The following NAALADL2 variants were observed in gnomAD, a reference collection of about 807,000 sequenced individuals.
NAALADL2 encodes N-acetylated alpha-linked acidic dipeptidase like 2.
Under a neutral mutation model 87.2 loss-of-function variants are expected in NAALADL2, and 76 were observed. The observed-to-expected ratio is 0.87, with a 90% CI of 0.72 to 1.05. The LOEUF (loss-of-function observed/expected upper bound fraction) is 1.05, where lower values mean the gene tolerates loss of function less well. Among genes scored for constraint, NAALADL2 ranks in the 50% least tolerant of loss-of-function variants. NAALADL2 has a pLI of 0.00. For missense variants in NAALADL2, 1,089 were observed against 945.8 expected (o/e 1.15, Z -1.99); for synonymous variants, 354 against 331.0 (o/e 1.07, Z -0.75).
intron 5 of NAALADL2, among the ~76,000 whole-genome samples, chr3:175,405,359 A>G (rs1233679958): frequency 1.3e-5 from 2 of 152,160 alleles, no homozygotes. Flanking sequence ...AGTGCCATGT[A>G]TACTTTAGTA....
At chr3:174,529,624 C>G (rs1437608548) in intron 1 of NAALADL2, among the ~76,000 whole-genome samples, 1 of 152,272 alleles carries the variant, frequency 6.6e-6, no homozygotes, top group East Asian at 1.9e-4. Context: ...CAGGCATTTT[C>G]GAACATCCAG....
intron 9 of NAALADL2, among the ~76,000 whole-genome samples, chr3:175,558,245 A>T (rs73169462): frequency 1.3e-5 from 2 of 150,468 alleles, no homozygotes. Flanking sequence ...ATGTCTAATC[A>T]GGTCTTTTGC....
chr3:175,249,824 G>A (rs1169705430), intron 3 of NAALADL2, among the ~76,000 whole-genome samples: 1 of 152,040 alleles, frequency 6.6e-6, no homozygotes, highest in Non-Finnish European at 1.5e-5. Flanking sequence ...TCCCCTACAA[G>A]AAGGCATTTA....
intron 4 of NAALADL2, among the ~76,000 whole-genome samples, chr3:175,314,561 A>ATATAT (rs1187807703): frequency 6.3e-5 from 4 of 63,190 alleles, no homozygotes; most frequent in Non-Finnish European, 1.2e-4. Context: ...TTCACATTCT[A>ATATAT]ACTATATATA....
chr3:174,523,361 T>C (rs533047758), intron 1 of NAALADL2: 2 of 152,358 alleles, frequency 1.3e-5, no homozygotes, highest in East Asian at 1.9e-4. Context: ...ATTCTGGTTA[T>C]ACTTAATGAA....
intron 3 of NAALADL2, among the ~76,000 whole-genome samples, chr3:174,790,582 AG>A (rs1258312598): frequency 8.5e-5 from 13 of 152,076 alleles, no homozygotes; most frequent in African/African-American, 2.9e-4. Flanking sequence ...CAGGAGGCAG[AG>A]GTTGCAATGT....
At chr3:175,301,291 G>A (rs574582101) in intron 4 of NAALADL2, among the ~76,000 whole-genome samples, 7 of 152,086 alleles carry the variant, frequency 4.6e-5, no homozygotes, top group East Asian at 1.9e-4. Context: ...CAAACCCCCC[G>A]ACAGGGATAG....
At chr3:174,889,518 C>A (rs1050195083) in intron 1 of NAALADL2, among the ~76,000 whole-genome samples, 1 of 152,026 alleles carries the variant, frequency 6.6e-6, no homozygotes, top group African/African-American at 2.4e-5. Flanking sequence ...CCTGTGTGTG[C>A]CCTTATATCT....
intron 2 of NAALADL2, among the ~76,000 whole-genome samples, chr3:174,683,345 A>G (rs1240056316): frequency 2.0e-5 from 3 of 152,192 alleles, no homozygotes; most frequent in African/African-American, 2.4e-5. Flanking sequence ...AGGAAGCCCA[A>G]TGTCCATTTA....
Position 174,950,240 on chromosome 3 carries a change from C to G in NAALADL2, c.43+90790C>G, listed in dbSNP as rs535232485. 7.4e-4 allele frequency among the ~76,000 whole-genome samples: 113 copies of G among 152,042 alleles called. 3 individuals are homozygous for G. The South Asian group carries it at 0.023, about 30-fold the overall frequency. On this transcript the variant is annotated intron_variant, in intron 1 of 13. Coordinates refer to ENST00000454872, the MANE Select transcript of NAALADL2 (RefSeq NM_207015.3). ...TTGGTTTTACCAAGGACTCTACAAA[C>G]CTACTGAATATGAATTGAGAGTAGG... is the stretch of plus-strand genomic sequence containing the variant.
At chr3:174,758,729 T>A (rs556766475) in intron 3 of NAALADL2, among the ~76,000 whole-genome samples, 1 of 152,334 alleles carries the variant, frequency 6.6e-6, no homozygotes, top group African/African-American at 2.4e-5. Context: ...ACTATGGAGA[T>A]GTACCAGTTT....
intron 1 of NAALADL2, among the ~76,000 whole-genome samples, chr3:174,520,017 A>C (rs1720177586): frequency 1.3e-5 from 2 of 152,210 alleles, no homozygotes; most frequent in Non-Finnish European, 2.9e-5. Context: ...AGGAAGTGAA[A>C]GATCTGTACA....
At chr3:175,439,371 C>A (rs752864905) in intron 5 of NAALADL2, among the ~76,000 whole-genome samples, 3 of 151,706 alleles carry the variant, frequency 2.0e-5, no homozygotes, top group Non-Finnish European at 4.4e-5. Flanking sequence ...AGTGGGGTTG[C>A]TGGATAAAAT....
intron 2 of NAALADL2, among the ~76,000 whole-genome samples, chr3:175,150,894 A>C (rs566258560): frequency 3.0e-4 from 45 of 152,332 alleles, no homozygotes; most frequent in African/African-American, 1.1e-3. Flanking sequence ...TGGATTAGTC[A>C]TAGGACTTAT....
intron 1 of NAALADL2, among the ~76,000 whole-genome samples, chr3:175,085,161 G>A (rs1261472061): frequency 6.6e-6 from 1 of 152,166 alleles, no homozygotes; most frequent in Admixed American, 6.5e-5. Context: ...TAAGAACACA[G>A]ATTCCATAAC....
intron 5 of NAALADL2, among the ~76,000 whole-genome samples, chr3:175,355,028 G>A (rs913177121): frequency 7.6e-4 from 29 of 38,132 alleles, no homozygotes; most frequent in East Asian, 4.6e-3. Flanking sequence ...ATATATGTGT[G>A]TGTGTGTGTG....
chr3:175,179,941 C>T (rs1372910268), intron 2 of NAALADL2, among the ~76,000 whole-genome samples: 3 of 151,938 alleles, frequency 2.0e-5, no homozygotes, highest in East Asian at 3.9e-4. Context: ...TGCCTTTAAG[C>T]ACATTCACTG....
At chr3:174,864,077 G>T (rs991336869) in intron 1 of NAALADL2, 1 of 455,442 alleles carries the variant, frequency 2.2e-6, no homozygotes, top group Admixed American at 2.4e-5. Context: ...AAATGTCAAG[G>T]CATGAAATCC....
At chr3:175,103,194 G>A (rs1722532542) in intron 2 of NAALADL2, among the ~76,000 whole-genome samples, 1 of 151,772 alleles carries the variant, frequency 6.6e-6, no homozygotes, top group Non-Finnish European at 1.5e-5. Flanking sequence ...TGCTGCTTCA[G>A]ATATAGGCAT....
Sources: gnomAD v4.1 joint callset for allele counts (sites outside exome capture counted in the v4.1 genomes callset) on GRCh38, gnomAD v4.1.1 for gene constraint, MANE v1.5 for transcripts, NCBI Gene and HGNC (gene_info 2026-07-23, HGNC 2026-07-21) for gene names.